CERS6: variants seen among roughly 807,000 people sequenced by gnomAD.
CERS6 encodes ceramide synthase 6.
In CERS6, 26 loss-of-function variants were observed where a neutral mutation model predicts 56.8. The ratio of observed to expected loss-of-function variants is 0.46; its 90% confidence interval spans 0.34 to 0.63. The LOEUF (loss-of-function observed/expected upper bound fraction) is 0.63, where lower values mean the gene tolerates loss of function less well. CERS6 is among the 30% of genes least tolerant of loss of function. The pLI, the probability that CERS6 is intolerant of heterozygous loss-of-function variation, is 0.01. For missense variants in CERS6, 415 were observed against 467.5 expected (o/e 0.89, Z 1.04); for synonymous variants, 164 against 173.3 (o/e 0.95, Z 0.42).
rs777381961 is a variant in CERS6 at position 168,457,849 on chromosome 2, T to C, written c.170+1231T>C. The stretch of plus-strand genomic sequence containing the variant: ...CTTCATGGGGACAAAAAGTATCTTT[T>C]GTCTCAGGAAGGTATATTTTTCACC... On this transcript the variant is annotated intron_variant, in intron 1 of 9. Transcript: ENST00000305747. Among the ~76,000 whole-genome samples, 34 of 152,196 alleles carry C rather than the reference T, an allele frequency of 2.2e-4. 1 individual carries two copies. The highest frequency in any genetic ancestry group is 4.4e-4 in the Non-Finnish European group (30 of 68,040).
chr2:168,641,024 C>A (rs1435989021), intron 4 of CERS6, among the ~76,000 whole-genome samples: 1 of 152,128 alleles, frequency 6.6e-6, no homozygotes, highest in African/African-American at 2.4e-5. Context: ...GATCTTTCCT[C>A]CATCCCTTGG....
intron 6 of CERS6, among the ~76,000 whole-genome samples, chr2:168,704,517 T>A (rs114979776): frequency 7.9e-5 from 12 of 152,038 alleles, no homozygotes; most frequent in African/African-American, 2.9e-4. Context: ...TCCCCATAAA[T>A]ATAAACAAAC....
chr2:168,606,512 A>C (rs1038547943), intron 3 of CERS6: 3 of 151,932 alleles, frequency 2.0e-5, no homozygotes, highest in Non-Finnish European at 4.4e-5. Context: ...GTTGTTTTTT[A>C]TTTTACAGGC....
intron 6 of CERS6, among the ~76,000 whole-genome samples, chr2:168,695,371 T>A (rs1412353586): frequency 6.6e-6 from 1 of 152,186 alleles, no homozygotes; most frequent in Admixed American, 6.5e-5. Context: ...AAAGCAAGAA[T>A]TCTATTTGTA....
chr2:168,680,715 C>T (rs1181661575), intron 4 of CERS6, among the ~76,000 whole-genome samples: 1 of 152,228 alleles, frequency 6.6e-6, no homozygotes, highest in Non-Finnish European at 1.5e-5. Context: ...AGGCTTCACA[C>T]AGCCTTTGGG....
intron 2 of CERS6, among the ~76,000 whole-genome samples, chr2:168,555,186 T>A (rs1430426092): frequency 6.6e-6 from 1 of 151,994 alleles, no homozygotes; most frequent in Non-Finnish European, 1.5e-5. Context: ...CTATAATTTT[T>A]AAAAATTAGG....
chr2:168,531,047 T>TA (rs922724784), intron 1 of CERS6, among the ~76,000 whole-genome samples: 1 of 151,940 alleles, frequency 6.6e-6, no homozygotes, highest in East Asian at 1.9e-4. Flanking sequence ...AATCCTTAAT[T>TA]AAAAAAAATT....
chr2:168,651,149 C>G (rs546216983), intron 4 of CERS6, among the ~76,000 whole-genome samples: 3 of 152,246 alleles, frequency 2.0e-5, no homozygotes, highest in African/African-American at 7.2e-5. Context: ...TACAGGAACA[C>G]TTGAGATTAC....
chr2:168,576,594 A>G (rs1003633458), intron 3 of CERS6, among the ~76,000 whole-genome samples: 11 of 152,056 alleles, frequency 7.2e-5, no homozygotes, highest in Non-Finnish European at 1.6e-4. Context: ...CAATTTTTTT[A>G]TTTTGAAAAC....
intron 1 of CERS6, among the ~76,000 whole-genome samples, chr2:168,518,698 A>G (rs1485388830): frequency 6.6e-6 from 1 of 152,112 alleles, no homozygotes; most frequent in African/African-American, 2.4e-5. Context: ...CTGTGTCTGT[A>G]GGGCCTCTGA....
At chr2:168,483,120 G>A (rs533286636) in intron 1 of CERS6, among the ~76,000 whole-genome samples, 3 of 152,304 alleles carry the variant, frequency 2.0e-5, no homozygotes, top group Non-Finnish European at 4.4e-5. Context: ...AACATTTATT[G>A]TAGCTGTGCT....
chr2:168,529,562 C>T (rs1177459292), intron 1 of CERS6, among the ~76,000 whole-genome samples: 3 of 152,022 alleles, frequency 2.0e-5, no homozygotes, highest in Admixed American at 1.3e-4. Context: ...AATATCTAGG[C>T]CAAAAGGAAT....
intron 4 of CERS6, among the ~76,000 whole-genome samples, chr2:168,635,214 G>A (rs1161514783): frequency 1.3e-5 from 2 of 152,150 alleles, no homozygotes; most frequent in Non-Finnish European, 2.9e-5. Context: ...GAACATAGAG[G>A]CTCAAAGGAA....
intron 1 of CERS6, among the ~76,000 whole-genome samples, chr2:168,521,929 G>A (rs1457836707): frequency 6.6e-6 from 1 of 152,194 alleles, no homozygotes; most frequent in Non-Finnish European, 1.5e-5. Flanking sequence ...TTTTTCAAAA[G>A]TAAAATAGAG....
At chr2:168,732,428 C>T (rs1157843323) in intron 8 of CERS6, among the ~76,000 whole-genome samples, 1 of 152,144 alleles carries the variant, frequency 6.6e-6, no homozygotes, top group Non-Finnish European at 1.5e-5. Context: ...TCATAAATGG[C>T]CCTCCCCAGA....
chr2:168,651,564 A>G (rs535385829), intron 4 of CERS6, among the ~76,000 whole-genome samples: 46 of 152,318 alleles, frequency 3.0e-4, no homozygotes, highest in African/African-American at 1.0e-3. Context: ...GAAACATACA[A>G]TTATAGTTGA....
chr2:168,696,506 G>T (rs184424211), intron 6 of CERS6, among the ~76,000 whole-genome samples: 4 of 152,304 alleles, frequency 2.6e-5, no homozygotes, highest in Admixed American at 6.5e-5. Context: ...AATACGTGGA[G>T]GATAAAATGC....
intron 6 of CERS6, among the ~76,000 whole-genome samples, chr2:168,713,648 C>A (rs1574183618): frequency 6.6e-6 from 1 of 152,042 alleles, no homozygotes; most frequent in Non-Finnish European, 1.5e-5. Flanking sequence ...GTTATTTCTG[C>A]AAAATATATT....
intron 2 of CERS6, among the ~76,000 whole-genome samples, chr2:168,559,298 C>T (rs1480619305): frequency 6.6e-6 from 1 of 152,056 alleles, no homozygotes; most frequent in Non-Finnish European, 1.5e-5. Context: ...GCTGTGTTTT[C>T]TGGGTGTGTG....
Sources: gnomAD v4.1 joint callset for allele counts (sites outside exome capture counted in the v4.1 genomes callset) on GRCh38, gnomAD v4.1.1 for gene constraint, MANE v1.5 for transcripts, NCBI Gene and HGNC (gene_info 2026-07-23, HGNC 2026-07-21) for gene names.